COTL1: variants seen among roughly 807,000 people sequenced by gnomAD.
COTL1 encodes the protein coactosin-like protein.
A neutral mutation model predicts 16.5 loss-of-function variants in COTL1; 15 were observed. That is an observed-to-expected ratio of 0.91 (90% confidence interval 0.61 to 1.40). COTL1 has a LOEUF of 1.40. Ranked by LOEUF, COTL1 falls within the 40% of genes most tolerant of loss-of-function variation. The pLI is 0.00. For synonymous variants in COTL1, 112 were observed against 85.3 expected (o/e 1.31, Z -1.73); for missense variants, 220 against 201.5 (o/e 1.09, Z -0.56).
intron 3 of COTL1, among the ~76,000 whole-genome samples, chr16:84,573,316 C>T (rs1453465012): frequency 2.0e-5 from 3 of 152,206 alleles, no homozygotes; most frequent in African/African-American, 7.2e-5. Flanking sequence ...CACACGTGGC[C>T]AGCAACAGCG....
intron 3 of COTL1, among the ~76,000 whole-genome samples, chr16:84,586,821 C>T (rs1904744044): frequency 6.6e-6 from 1 of 152,004 alleles, no homozygotes; most frequent in African/African-American, 2.4e-5. Flanking sequence ...GAACTCCTGA[C>T]CTCAGGTGAC....
At chr16:84,594,615 C>G (rs985178299) in intron 2 of COTL1, 1 of 152,230 alleles carries the variant, frequency 6.6e-6, no homozygotes, top group Admixed American at 6.5e-5. Context: ...ATTTCACAAG[C>G]AAAAGAACAC....
chr16:84,603,428 CT>C (rs1399650419), intron 2 of COTL1, among the ~76,000 whole-genome samples: 2 of 152,164 alleles, frequency 1.3e-5, no homozygotes, highest in African/African-American at 4.8e-5. Context: ...CGTCACAGCT[CT>C]GCCGTAAACA....
Position 84,590,037 on chromosome 16 carries a change from C to CT in COTL1, c.318+67dup. 6.6e-7 allele frequency: 1 copy of CT among 1,524,584 alleles called. No individual in the cohort carries two copies. The highest frequency in any genetic ancestry group is 8.9e-7 in the Non-Finnish European group (1 of 1,117,940). 94.4% of individuals were successfully genotyped at this position (1,524,584 alleles called of 1,614,324 possible). On this transcript the variant is annotated intron_variant, in intron 3 of 3. Coordinates refer to ENST00000262428, the MANE Select transcript of COTL1 (RefSeq NM_021149.5). The surrounding 1 kb of genome is among the most constrained non-coding windows in gnomAD (Gnocchi z 5.5). Reference sequence around the variant, plus strand: ...ACAGACCCAGGAGTCGAACCCAGCCCTCTCCCTCCTTGCAGGATGGTGACC... The same window carrying CT: ...ACAGACCCAGGAGTCGAACCCAGCCCTTCTCCCTCCTTGCAGGATGGTGACC...
At chr16:84,599,454 A>C (rs28674526) in intron 2 of COTL1, among the ~76,000 whole-genome samples, 8,332 of 152,198 alleles carry the variant, frequency 0.055, 469 homozygotes, top group African/African-American at 0.15. Flanking sequence ...CACCCTAGAA[A>C]CTTTTTAGCG....
intron 2 of COTL1, chr16:84,616,003 T>A (rs563269684): frequency 1.3e-5 from 2 of 152,184 alleles, no homozygotes; most frequent in African/African-American, 4.8e-5. Flanking sequence ...ACCCACATGA[T>A]CCCTGGCACA....
rs1904511253 is a variant in COTL1, at chr16:84,578,849, A to T, written c.318+11256T>A. 2.0e-5 allele frequency among the ~76,000 whole-genome samples: 3 copies of T among 152,276 alleles called. No homozygotes were observed. In the South Asian group the frequency reaches 6.2e-4, roughly 32 times the overall value. ...CACACAGGTGCATAGAAACACAGGT[A>T]TGCACACACACATACACATGCAGGC... On this transcript the variant is annotated intron_variant, in intron 3 of 3. Transcript: ENST00000262428.
intron 3 of COTL1, chr16:84,576,777 A>G (rs1904462969): frequency 6.6e-6 from 1 of 152,268 alleles, no homozygotes. Flanking sequence ...GGCATGGAAA[A>G]GTCAGCTTTG....
intron 3 of COTL1, chr16:84,569,131 G>C (rs2150678840): frequency 6.6e-6 from 1 of 152,370 alleles, no homozygotes. Flanking sequence ...GACCAGCCTG[G>C]CCAACATGGC....
chr16:84,582,989 G>A (rs1053307538), intron 3 of COTL1, among the ~76,000 whole-genome samples: 2 of 152,174 alleles, frequency 1.3e-5, no homozygotes, highest in East Asian at 3.8e-4. Context: ...AAGGAAGATC[G>A]AGAATCAGGA....
Position 84,617,595 on chromosome 16 carries a change from G to C in COTL1, c.78-12C>G, listed in dbSNP as rs1312516561. ...ATTTAAAAGTCACCCTTTGGGTTGG[G>C]AGAAGAAAAAAACACACACACACAT... is the stretch of plus-strand genomic sequence containing the variant. On this transcript the variant is annotated splice_polypyrimidine_tract_variant and intron_variant, in intron 1 of 3. Coordinates refer to ENST00000262428, the MANE Select transcript of COTL1 (RefSeq NM_021149.5). 6.4e-7 allele frequency: 1 copy of C among 1,552,648 alleles called. No homozygotes were observed. Among genetic ancestry groups the C allele is most frequent in the East Asian group, 2.4e-5 (1 of 41,130 alleles).
At chr16:84,613,670 T>C (rs1905392334) in intron 2 of COTL1, among the ~76,000 whole-genome samples, 1 of 152,176 alleles carries the variant, frequency 6.6e-6, no homozygotes, top group South Asian at 2.1e-4. Context: ...ACAGAGTGGA[T>C]ACCAGACAAG....
At chr16:84,585,432 C>T (rs1904697429) in intron 3 of COTL1, among the ~76,000 whole-genome samples, 2 of 151,924 alleles carry the variant, frequency 1.3e-5, no homozygotes, top group South Asian at 2.1e-4. Flanking sequence ...ACACCCTCCA[C>T]GTTTCACACA....
In COTL1 at chr16:84,565,923, T is replaced by TCC. The variant is rs1904296338; in HGVS notation, c.*921_*922insGG. The TCC allele has an allele frequency of 1.3e-5, 2 of 152,334 alleles. No homozygotes were observed. The highest frequency in any genetic ancestry group is 2.9e-5 in the Non-Finnish European group (2 of 68,106). The allele number at this position is 152,334 out of a possible 1,614,324, so 9.4% of individuals were successfully genotyped here. On this transcript the variant is annotated 3_prime_UTR_variant, in exon 4 of 4. Coordinates refer to ENST00000262428, the MANE Select transcript of COTL1 (RefSeq NM_021149.5). ...TTCGGCCCAAGCCATCCTCGCAGCT[T>TCC]ACACAGAAGCTTCCTGAACCTAAGG...
chr16:84,574,847 A>G (rs898953662), intron 3 of COTL1, among the ~76,000 whole-genome samples: 1 of 152,014 alleles, frequency 6.6e-6, no homozygotes, highest in Non-Finnish European at 1.5e-5. Context: ...TCAAGTGCTT[A>G]TAGATTCATG....
At chr16:84,567,005 G>A in intron 3 of COTL1, 50 bp from the exon 4 acceptor site, 1 of 1,336,594 alleles carries the variant, frequency 7.5e-7, no homozygotes, top group Non-Finnish European at 1.1e-6. Flanking sequence ...GGAAGGCACA[G>A]GATGTGAGGG....
In COTL1 at chr16:84,590,357, A is replaced by G; in HGVS notation, c.161-95T>C. 1 of 1,440,408 alleles carries G rather than the reference A, an allele frequency of 6.9e-7. No individual in the cohort carries two copies. The allele number at this position is 1,440,408 out of a possible 1,614,324, so 89.2% of individuals were successfully genotyped here. On this transcript the variant is annotated intron_variant, in intron 2 of 3. Coordinates refer to ENST00000262428, the MANE Select transcript of COTL1 (RefSeq NM_021149.5). This position sits in a 1 kb window ranked among gnomAD's most constrained non-coding sequence, Gnocchi z 5.5. ...GGCTGTGAGCCACGAGTGCGCCTGGAGCAGCACAGCAGGAGACCGGTGCAG... is the reference window on the plus strand; with the variant it reads ...GGCTGTGAGCCACGAGTGCGCCTGGGGCAGCACAGCAGGAGACCGGTGCAG...
intron 3 of COTL1, among the ~76,000 whole-genome samples, chr16:84,582,230 A>G (rs1162358689): frequency 3.3e-5 from 5 of 150,774 alleles, no homozygotes; most frequent in Admixed American, 6.6e-5. Context: ...CCTGACCTCA[A>G]GTGATCCACC....
chr16:84,615,372 G>A (rs199540763), intron 2 of COTL1, among the ~76,000 whole-genome samples: 3 of 152,210 alleles, frequency 2.0e-5, no homozygotes, highest in Non-Finnish European at 2.9e-5. Flanking sequence ...CCTGTGGGAG[G>A]AGGGAAGTGT....
Sources: allele counts gnomAD v4.1 joint callset (sites outside exome capture counted in the v4.1 genomes callset), GRCh38; gene constraint gnomAD v4.1.1; non-coding constraint Gnocchi (gnomAD v3.1); transcripts MANE v1.5; gene names NCBI Gene and HGNC (gene_info 2026-07-23, HGNC 2026-07-21).